TNR: variants seen among roughly 807,000 people sequenced by gnomAD.
TNR encodes tenascin R, also known as tenascin-R.
TNR carries 45 observed loss-of-function variants against 150.4 expected under a neutral mutation model. That is an observed-to-expected ratio of 0.30 (90% CI 0.24 to 0.38). The LOEUF (loss-of-function observed/expected upper bound fraction) is 0.38, where lower values mean the gene tolerates loss of function less well. TNR is among the 10% of genes least tolerant of loss of function. The pLI, the probability that TNR is intolerant of heterozygous loss-of-function variation, is 1.00. For synonymous variants in TNR, 687 were observed against 678.4 expected (o/e 1.01, Z -0.20); for missense variants, 1,544 against 1,759.1 (o/e 0.88, Z 2.19).
chr1:175,356,575 A>AATCTTTCAT, intron 15 of TNR, 113 bp from the exon 16 acceptor site: 1 of 1,283,184 alleles, frequency 7.8e-7, no homozygotes, highest in South Asian at 1.5e-5. Flanking sequence ...TTTGGAAAAA[A>AATCTTTCAT]ATCTTTCATA....
intron 1 of TNR, among the ~76,000 whole-genome samples, chr1:175,624,711 C>A (rs1288903294): frequency 6.6e-6 from 1 of 152,170 alleles, no homozygotes; most frequent in Admixed American, 6.5e-5. Context: ...TTAAGCTGCT[C>A]AGTTTATGGC....
At position 175,318,198 on chromosome 1, in the gene TNR, G is replaced by T. The variant is rs1299393309; in HGVS notation, c.*5159C>A. The T allele has an allele frequency of 6.6e-6, 1 of 152,232 alleles. No homozygotes were observed. Among genetic ancestry groups the T allele is most frequent in the Admixed American group, 6.5e-5 (1 of 15,288 alleles). The allele number at this position is 152,232 out of a possible 1,614,324, so 9.4% of individuals were successfully genotyped here. ...TGAATGGCAGAAGCTCTGGTGGGAG[G>T]CTGGAGGCCAGAACGTGAGAAGCCA... On this transcript the variant is annotated 3_prime_UTR_variant, in exon 23 of 23. Coordinates refer to ENST00000367674, the MANE Select transcript of TNR (RefSeq NM_003285.3).
chr1:175,406,695 G>A lies in TNR; in HGVS notation c.20C>T (p.Thr7Ile), dbSNP rs1281755636. ...AATGAGCATGTTCTTCAGAACCACT[G>A]TTTCCCCATCTGCCCCCATCCTCTC... MGADGE[T>I]VVLKNMLIGI... Residue 7 changes from threonine to isoleucine, a missense_variant, in exon 3 of 23, where the codon ACA (threonine) becomes ATA (isoleucine). This residue lies in a region of TNR where 1,254 missense variants were observed against 1,329.4 expected (regional missense o/e 0.94). Coordinates refer to ENST00000367674, the MANE Select transcript of TNR (RefSeq NM_003285.3). 19 of 1,613,966 alleles carry A rather than the reference G, an allele frequency of 1.2e-5. No individual in the cohort carries two copies. In the Admixed American group the frequency reaches 3.2e-4, roughly 27 times the overall value.
At chr1:175,619,933 A>C (rs1026422612) in intron 1 of TNR, among the ~76,000 whole-genome samples, 1 of 152,260 alleles carries the variant, frequency 6.6e-6, no homozygotes, top group Non-Finnish European at 1.5e-5. Context: ...CCCTAGTGGC[A>C]TGGCCTCTTG....
intron 1 of TNR, among the ~76,000 whole-genome samples, chr1:175,654,569 A>T (rs1167087110): frequency 1.3e-5 from 2 of 152,062 alleles, no homozygotes; most frequent in Non-Finnish European, 2.9e-5. Flanking sequence ...AAGCTGGACT[A>T]TTTCACTGCT....
intron 2 of TNR, among the ~76,000 whole-genome samples, chr1:175,510,370 GAA>G (rs57853038): frequency 6.7e-6 from 1 of 148,380 alleles, no homozygotes; most frequent in Admixed American, 6.7e-5. Context: ...CCAAAGCAAA[GAA>G]AAAAAAAAAG....
intron 1 of TNR, among the ~76,000 whole-genome samples, chr1:175,600,272 T>C (rs1205506558): frequency 6.6e-6 from 1 of 152,240 alleles, no homozygotes; most frequent in Non-Finnish European, 1.5e-5. Context: ...CTATTTTTAC[T>C]ATTTAGCTAT....
chr1:175,341,903 G>C (rs1650538127), intron 18 of TNR, among the ~76,000 whole-genome samples: 1 of 152,206 alleles, frequency 6.6e-6, no homozygotes, highest in South Asian at 2.1e-4. Context: ...GCGCACATCT[G>C]CAGAGTAGCT....
At chr1:175,521,749 A>AT (rs1435492755) in intron 2 of TNR, among the ~76,000 whole-genome samples, 2 of 151,844 alleles carry the variant, frequency 1.3e-5, no homozygotes, top group South Asian at 2.1e-4. Context: ...CAGCTCAATG[A>AT]TTGTGGCCTC....
At chr1:175,451,591 G>T (rs889930743) in intron 2 of TNR, among the ~76,000 whole-genome samples, 3 of 152,174 alleles carry the variant, frequency 2.0e-5, no homozygotes, top group African/African-American at 7.2e-5. Context: ...GACTAGGATT[G>T]GGGAGACACT....
chr1:175,624,964 G>A (rs903821011), intron 1 of TNR, among the ~76,000 whole-genome samples: 11 of 152,200 alleles, frequency 7.2e-5, no homozygotes, highest in Non-Finnish European at 1.2e-4. Flanking sequence ...CCACTTGCCC[G>A]GTTTTCTGGG....
intron 1 of TNR, among the ~76,000 whole-genome samples, chr1:175,546,560 G>A (rs1056151290): frequency 1.2e-4 from 19 of 152,304 alleles, no homozygotes; most frequent in African/African-American, 3.1e-4. Flanking sequence ...GCTTTTCAGC[G>A]CTCAAAGCTG....
chr1:175,389,762 C>A (rs940692213), intron 7 of TNR, among the ~76,000 whole-genome samples: 1 of 152,156 alleles, frequency 6.6e-6, no homozygotes, highest in Non-Finnish European at 1.5e-5. Flanking sequence ...CACCTTTCTG[C>A]CCCCAAGTTA....
At position 175,391,432 on chromosome 1, in the gene TNR, C is replaced by T; in HGVS notation, c.1363G>A (p.Glu455Lys). ...WEISFIPKNN[E>K]GGVIAQVPSD... is the part of the protein sequence containing the mutation. ...GGGACCTGAGCAATCACTCCCCCTT[C>T]ATTGTTCTGGACAGTGGGGAGAAGC... The change falls in exon 7 of 23, where the codon GAA becomes AAA. Residue 455 changes from glutamate (E) to lysine (K), a missense_variant. By Grantham distance (56) the Glu-to-Lys change is moderately conservative. This residue lies in a region of TNR where 1,254 missense variants were observed against 1,329.4 expected (regional missense o/e 0.94). Transcript: ENST00000367674. 2 of 1,614,002 alleles carry T rather than the reference C, an allele frequency of 1.2e-6. No homozygotes were observed. The highest frequency in any genetic ancestry group is 1.7e-6 in the Non-Finnish European group (2 of 1,179,966).
intron 2 of TNR, among the ~76,000 whole-genome samples, chr1:175,474,235 C>T (rs950558984): frequency 2.6e-5 from 4 of 152,038 alleles, no homozygotes; most frequent in Non-Finnish European, 5.9e-5. Flanking sequence ...CTCTCAGAAC[C>T]TCAGAATTTG....
At chr1:175,571,258 T>C (rs551160722) in intron 1 of TNR, among the ~76,000 whole-genome samples, 10 of 152,268 alleles carry the variant, frequency 6.6e-5, no homozygotes, top group African/African-American at 2.2e-4. Flanking sequence ...CTCCTTCTCT[T>C]TCTCTCTCTT....
chr1:175,647,821 A>G (rs1664851205), intron 1 of TNR, among the ~76,000 whole-genome samples: 1 of 152,094 alleles, frequency 6.6e-6, no homozygotes. Context: ...AGATGACCCC[A>G]TCAGTTTCTT....
intron 1 of TNR, among the ~76,000 whole-genome samples, chr1:175,623,641 T>G (rs187680430): frequency 9.8e-5 from 15 of 152,352 alleles, no homozygotes; most frequent in Admixed American, 3.3e-4. Flanking sequence ...TGGAACACCC[T>G]GTAGCCCGAT....
In TNR at chr1:175,413,494, T is replaced by C. The variant is rs149293029; in HGVS notation, c.-63-6717A>G. Among the ~76,000 whole-genome samples, 171 of 152,306 alleles carry C rather than the reference T, an allele frequency of 1.1e-3. 3 individuals are homozygous for C. Among genetic ancestry groups the C allele is most frequent in the Middle Eastern group, 3.4e-3 (1 of 294 alleles). ...ATTCTGTGTCTTTGGTATGAGGCAG[T>C]GGGTAATGTTTAAACCACATGCAAA... On this transcript the variant is annotated intron_variant, in intron 2 of 22. Transcript: ENST00000367674.
Sources: gnomAD v4.1 joint callset for allele counts (sites outside exome capture counted in the v4.1 genomes callset) on GRCh38, gnomAD v4.1.1 for gene constraint, gnomAD v4.1.1 regional missense constraint, MANE v1.5 for transcripts, NCBI Gene and HGNC (gene_info 2026-07-23, HGNC 2026-07-21) for gene names.